Variants in ARFIP1 observed in about 807,000 individuals in gnomAD.
The protein encoded by ARFIP1 is ARF interacting protein 1, also known as arfaptin-1.
A neutral mutation model predicts 42.5 loss-of-function variants in ARFIP1; 24 were observed. The ratio of observed to expected loss-of-function variants is 0.57; its 90% CI spans 0.41 to 0.80. The LOEUF is 0.80. Ranked by LOEUF, ARFIP1 falls within the 30% of genes least tolerant of loss-of-function variation. ARFIP1 has a pLI of 0.00. For missense variants in ARFIP1, 354 were observed against 434.0 expected (o/e 0.82, Z 1.64); for synonymous variants, 141 against 153.7 (o/e 0.92, Z 0.61).
intron 4 of ARFIP1, 108 bp from the exon 5 acceptor site, chr4:152,872,344 T>C (rs374424794): frequency 2.8e-6 from 2 of 704,892 alleles, no homozygotes; most frequent in Non-Finnish European, 4.7e-6. Context: ...AACCTTTTTT[T>C]CTTTTTTTAG....
At chr4:152,786,799 C>T (rs1338952191) in intron 1 of ARFIP1, among the ~76,000 whole-genome samples, 1 of 152,218 alleles carries the variant, frequency 6.6e-6, no homozygotes, top group Non-Finnish European at 1.5e-5. Flanking sequence ...TGCTGGCCTT[C>T]TTTAGTCCTT....
At chr4:152,870,683 C>A (rs1457316820) in intron 3 of ARFIP1, 70 bp from the exon 4 acceptor site, 1 of 1,011,342 alleles carries the variant, frequency 9.9e-7, no homozygotes, top group South Asian at 1.4e-5. Context: ...TATCAGTAAC[C>A]CTATATTCAA....
At chr4:152,793,892 A>G (rs1238101760) in intron 1 of ARFIP1, among the ~76,000 whole-genome samples, 1 of 152,048 alleles carries the variant, frequency 6.6e-6, no homozygotes, top group Admixed American at 6.6e-5. Flanking sequence ...CCATTTTTCC[A>G]TGTTACTCTT....
At position 152,870,900 on chromosome 4, in the gene ARFIP1, A is replaced by G. The variant is rs373266154; in HGVS notation, c.298+52A>G. 1.3e-4 allele frequency: 184 copies of G among 1,441,344 alleles called. No homozygotes were observed. The African/African-American group carries it at 2.3e-3, about 18-fold the overall frequency. 89.3% of individuals were successfully genotyped at this position (1,441,344 alleles called of 1,614,324 possible). On this transcript the variant is annotated intron_variant, in intron 4 of 8. Coordinates refer to ENST00000353617, the MANE Select transcript of ARFIP1 (RefSeq NM_001025595.3). ...CACTTATTGCTACTGCTGAAGCTAC[A>G]CTAATTTACTCAGTTTCATAATCAC...
chr4:152,893,994 G>A (rs916543064), intron 8 of ARFIP1, among the ~76,000 whole-genome samples: 1 of 151,882 alleles, frequency 6.6e-6, no homozygotes, highest in East Asian at 1.9e-4. Flanking sequence ...GAGGTGGACG[G>A]ATCACTTGAG....
In ARFIP1 at chr4:152,889,732, T is replaced by TAC. The variant is rs1451968193; in HGVS notation, c.966+1426_966+1427dup. On this transcript the variant is annotated intron_variant, in intron 8 of 8. Transcript: ENST00000353617. ...TATATACACTAATATATACTATATA[T>TAC]ACTATACTATATATACTATATATTA... Among the ~76,000 whole-genome samples the TAC allele has an allele frequency of 2.5e-5, 3 of 118,450 alleles. No homozygotes were observed. In the East Asian group the frequency reaches 6.6e-4, roughly 26 times the overall value. The allele number at this position is 118,450 out of a possible 152,430, so 77.7% of individuals were successfully genotyped here.
At chr4:152,895,797 A>G (rs1208186518) in intron 8 of ARFIP1, among the ~76,000 whole-genome samples, 2 of 152,066 alleles carry the variant, frequency 1.3e-5, no homozygotes, top group African/African-American at 2.4e-5. Flanking sequence ...CCTGGCCTCA[A>G]GCAGTCCTTC....
At chr4:152,869,456 T>C (rs540885956) in intron 3 of ARFIP1, among the ~76,000 whole-genome samples, 200 of 152,098 alleles carry the variant, frequency 1.3e-3, no homozygotes, top group Admixed American at 2.6e-3. Flanking sequence ...TTCTTTCTTT[T>C]TTTTTTTAAT....
intron 7 of ARFIP1, among the ~76,000 whole-genome samples, chr4:152,884,061 A>G (rs1736075118): frequency 6.6e-6 from 1 of 152,012 alleles, no homozygotes; most frequent in South Asian, 2.1e-4. Context: ...AAAAGCCCAA[A>G]TCATTTTGAA....
intron 7 of ARFIP1, 124 bp downstream of exon 7, chr4:152,883,004 AGT>A: frequency 3.0e-6 from 3 of 1,013,040 alleles, no homozygotes; most frequent in Non-Finnish European, 4.3e-6. Context: ...TGTACTGGAA[AGT>A]TATAGGATGC....
intron 1 of ARFIP1, among the ~76,000 whole-genome samples, chr4:152,823,141 C>T (rs80051948): frequency 7.2e-5 from 11 of 152,148 alleles, no homozygotes; most frequent in Non-Finnish European, 1.5e-4. Flanking sequence ...AACTGATAAA[C>T]TACTCGCTAG....
chr4:152,831,006 A>G (rs935772929), intron 2 of ARFIP1, among the ~76,000 whole-genome samples: 18 of 152,364 alleles, frequency 1.2e-4, no homozygotes, highest in Non-Finnish European at 2.2e-4. Context: ...TTGTGGTCCA[A>G]TATAGAGTGA....
intron 8 of ARFIP1, among the ~76,000 whole-genome samples, chr4:152,899,655 T>A (rs932786597): frequency 1.3e-5 from 2 of 152,168 alleles, no homozygotes; most frequent in African/African-American, 4.8e-5. Flanking sequence ...CTTTCTCCAG[T>A]TAAAGCACAT....
At chr4:152,833,495 A>G (rs1223652275) in intron 2 of ARFIP1, among the ~76,000 whole-genome samples, 1 of 152,218 alleles carries the variant, frequency 6.6e-6, no homozygotes, top group African/African-American at 2.4e-5. Flanking sequence ...CATAAGATCT[A>G]GCAGTTCCAT....
At chr4:152,890,277 G>A (rs1212219502) in intron 8 of ARFIP1, among the ~76,000 whole-genome samples, 1 of 152,044 alleles carries the variant, frequency 6.6e-6, no homozygotes, top group East Asian at 1.9e-4. Context: ...CACTGAGCAG[G>A]GAGGGAAGAA....
intron 2 of ARFIP1, among the ~76,000 whole-genome samples, chr4:152,839,842 G>A (rs1010447388): frequency 6.6e-6 from 1 of 152,044 alleles, no homozygotes; most frequent in Non-Finnish European, 1.5e-5. Flanking sequence ...GGTTTGGTTT[G>A]TTCTTGTTTC....
chr4:152,804,077 T>C (rs1316383991), intron 1 of ARFIP1, among the ~76,000 whole-genome samples: 2 of 99,670 alleles, frequency 2.0e-5, no homozygotes, highest in Non-Finnish European at 2.0e-5. Context: ...ATATATATTA[T>C]ATATAATATA....
chr4:152,803,328 A>G (rs151315749), intron 1 of ARFIP1, among the ~76,000 whole-genome samples: 28 of 152,340 alleles, frequency 1.8e-4, no homozygotes, highest in African/African-American at 6.5e-4. Flanking sequence ...AGGGCCTGCC[A>G]ATCTAAGAGG....
intron 1 of ARFIP1, among the ~76,000 whole-genome samples, chr4:152,801,697 A>G (rs988939245): frequency 2.6e-5 from 4 of 152,194 alleles, no homozygotes; most frequent in South Asian, 2.1e-4. Flanking sequence ...CTGTTTTAGA[A>G]AAGTACATTT....
Sources: allele counts gnomAD v4.1 joint callset (sites outside exome capture counted in the v4.1 genomes callset), GRCh38; gene constraint gnomAD v4.1.1; transcripts MANE v1.5; gene names NCBI Gene and HGNC (gene_info 2026-07-23, HGNC 2026-07-21).